Variants in F5 observed in about 807,000 individuals in gnomAD.
The protein encoded by F5 is activated protein c cofactor.
Under a neutral mutation model 216.4 loss-of-function variants are expected in F5, and 138 were observed. The observed-to-expected ratio is 0.64, with a 90% CI of 0.56 to 0.73. F5 has a LOEUF of 0.73. F5 is among the 30% of genes least tolerant of loss of function. F5 has a pLI of 0.00. For synonymous variants in F5, 916 were observed against 930.7 expected (o/e 0.98, Z 0.29); for missense variants, 2,403 against 2,674.0 (o/e 0.90, Z 2.24).
intron 5 of F5, 36 bp from the exon 6 acceptor site, chr1:169,556,903 A>C: frequency 1.3e-6 from 2 of 1,580,576 alleles, no homozygotes; most frequent in Admixed American, 3.4e-5. Flanking sequence ...CAAAATAAGC[A>C]TTCAGTCAAG....
At chr1:169,566,863 T>C (rs942700484) in intron 3 of F5, among the ~76,000 whole-genome samples, 1 of 152,080 alleles carries the variant, frequency 6.6e-6, no homozygotes, top group African/African-American at 2.4e-5. Context: ...TTCCCAGTCA[T>C]GTTGCAATTA....
At chr1:169,521,900 T>A (rs1398275768) in intron 21 of F5, among the ~76,000 whole-genome samples, 1 of 151,362 alleles carries the variant, frequency 6.6e-6, no homozygotes, top group Non-Finnish European at 1.5e-5. Flanking sequence ...ATTACAGACG[T>A]GAGCCACTGC....
intron 6 of F5, among the ~76,000 whole-genome samples, chr1:169,556,393 G>GA (rs1484038574): frequency 1.9e-5 from 2 of 106,518 alleles, no homozygotes; most frequent in African/African-American, 8.4e-5. Context: ...TTCTTTCGAG[G>GA]AAGTTAGAGA....
At chr1:169,521,979 G>C (rs773026395) in intron 21 of F5, among the ~76,000 whole-genome samples, 4 of 151,728 alleles carry the variant, frequency 2.6e-5, no homozygotes, top group African/African-American at 4.9e-5. Context: ...AGAAAGGAGG[G>C]GCAGATGACA....
Position 169,523,792 on chromosome 1 carries a change from A to G in F5, c.5892+9T>C, listed in dbSNP as rs1261159180. The G allele has an allele frequency of 1.9e-6, 3 of 1,599,186 alleles. No homozygotes were observed. The highest frequency in any genetic ancestry group is 2.6e-6 in the Non-Finnish European group (3 of 1,166,848). ...TAGCAGTAAATATTATCAGTCTATTAAGACAAACCTGGATCCAAGGTTTAG... is the reference window on the plus strand; with the variant it reads ...TAGCAGTAAATATTATCAGTCTATTGAGACAAACCTGGATCCAAGGTTTAG... On this transcript the variant is annotated intron_variant, in intron 20 of 24. Transcript: ENST00000367797.
intron 3 of F5, among the ~76,000 whole-genome samples, chr1:169,569,725 T>C (rs186015872): frequency 6.6e-6 from 1 of 152,176 alleles, no homozygotes; most frequent in African/African-American, 2.4e-5. Context: ...TTGTCCATTC[T>C]GTCAAAAAGG....
intron 23 of F5, among the ~76,000 whole-genome samples, chr1:169,516,590 C>G (rs1195704341): frequency 6.6e-6 from 1 of 152,132 alleles, no homozygotes; most frequent in Non-Finnish European, 1.5e-5. Flanking sequence ...TCTATAACAT[C>G]CTCTAGTGAC....
intron 10 of F5, among the ~76,000 whole-genome samples, chr1:169,547,227 A>G (rs1034066414): frequency 1.3e-5 from 2 of 152,106 alleles, no homozygotes; most frequent in Non-Finnish European, 2.9e-5. Context: ...AAAACCCCAA[A>G]CTACAAAAAC....
rs369277086 is a variant in F5, at chr1:169,514,310, A to G, written c.*3T>C. 31 of 1,612,984 alleles carry G rather than the reference A, an allele frequency of 1.9e-5. No individual in the cohort carries two copies. The African/African-American group carries it at 2.4e-4, about 13-fold the overall frequency. On this transcript the variant is annotated 3_prime_UTR_variant, in exon 25 of 25. Transcript: ENST00000367797. ...TCTTCCAGGGGTTTTTGAATGTTCA[A>G]TTCTAGTAAATATCACAGCCAAAGA...
In F5 at chr1:169,541,826, A is replaced by G; in HGVS notation, c.3264T>C (p.Ser1088=). Residue 1088 remains serine, a synonymous_variant, in exon 13 of 25, where the codon TCT becomes TCC. Coordinates refer to ENST00000367797, the MANE Select transcript of F5 (RefSeq NM_000130.5). ...LPTDLNQTLP[S]MDFGWIASLP... ...GTGAGGCTATCCAGCCAAAATCCAT[A>G]GAGGGCAATGTCTGATTGAGGTCTG... is the stretch of plus-strand genomic sequence containing the variant. 6.2e-7 allele frequency: 1 copy of G among 1,614,140 alleles called. No individual in the cohort carries two copies. Among genetic ancestry groups the G allele is most frequent in the Non-Finnish European group, 8.5e-7 (1 of 1,179,994 alleles).
Position 169,572,292 on chromosome 1 carries a change from T to A in F5, c.302A>T (p.His101Leu). 2 of 1,613,406 alleles carry A rather than the reference T, an allele frequency of 1.2e-6. No homozygotes were observed. The highest frequency in any genetic ancestry group is 8.5e-7 in the Non-Finnish European group (1 of 1,179,664). ...GGGCTTATCTGCCTTATTTTTAAAG[T>A]GAACTTTTATGATGTCTCCGACTTC... ...YAEVGDIIKV[H>L]FKNKADKPLS... The change falls in exon 3 of 25, where the codon CAC (histidine) becomes CTC (leucine). Residue 101 changes from histidine (H) to leucine (L), a missense_variant. By Grantham distance (99) the His-to-Leu change is moderately conservative. Transcript: ENST00000367797.
At position 169,515,540 on chromosome 1, in the gene F5, CAG is replaced by C; in HGVS notation, c.6430_6431del (p.Leu2144ValfsTer3). 6.2e-7 allele frequency: 1 copy of C among 1,613,604 alleles called. No homozygotes were observed. The highest frequency in any genetic ancestry group is 8.5e-7 in the Non-Finnish European group (1 of 1,179,690). ...AGCTCTTTACATACATTTCAGAGGA[CAG>C]AGACTTGCAGCCCTGTGTTATAATT... is the stretch of plus-strand genomic sequence containing the variant. ...TAIITQGCKSLSSEMYVKSYT... is the reference protein window; with the variant it reads ...TAIITQGCKSXSSEMYVKSYT... On this transcript the variant is annotated frameshift_variant, in exon 24 of 25. Transcript: ENST00000367797. LOFTEE classifies it high-confidence loss of function.
Position 169,552,693 on chromosome 1 carries a change from A to G in F5, c.1160T>C (p.Ile387Thr), listed in dbSNP as rs118203911. 2.5e-6 allele frequency: 4 copies of G among 1,612,538 alleles called. No individual in the cohort carries two copies. Among genetic ancestry groups the G allele is most frequent in the Non-Finnish European group, 3.4e-6 (4 of 1,179,534 alleles). ...CATAACTTTCTTATAATGTTTTCCA[A>G]TTTGGTTTGAGAAATTATCCAAATG... The part of the protein sequence containing the change: ...SQHLDNFSNQ[I>T]GKHYKKVMYT... The change falls in exon 8 of 25, where the codon ATT (isoleucine) becomes ACT (threonine). Residue 387 changes from isoleucine (I) to threonine (T), a missense_variant. Around this residue, in one of 4 missense-constraint regions of F5, gnomAD observed 1,425 missense variants for 1,554.8 expected, o/e 0.92. Coordinates refer to ENST00000367797, the MANE Select transcript of F5 (RefSeq NM_000130.5).
Position 169,514,912 on chromosome 1 carries a change from T to C in F5, c.6529-453A>G, listed in dbSNP as rs921094128. Among the ~76,000 whole-genome samples, 5 of 152,168 alleles carry C rather than the reference T, an allele frequency of 3.3e-5. No homozygotes were observed. The South Asian group carries it at 1.0e-3, about 31-fold the overall frequency. On this transcript the variant is annotated intron_variant, in intron 24 of 24. Transcript: ENST00000367797. ...TAGCTGTATGACTGAACAAGTTACT[T>C]ATTCTCTGATTCTTCATTTCCTCAT...
chr1:169,519,102 T>A (rs748606625), intron 22 of F5, among the ~76,000 whole-genome samples: 8 of 152,192 alleles, frequency 5.3e-5, no homozygotes, highest in Non-Finnish European at 1.0e-4. Flanking sequence ...TTGAATATCA[T>A]AGGCAGCAAG....
intron 4 of F5, 145 bp downstream of exon 4, chr1:169,560,409 G>C (rs914196223): frequency 1.4e-6 from 1 of 737,584 alleles, no homozygotes; most frequent in South Asian, 1.7e-5. Flanking sequence ...TTTTTCTCTT[G>C]TCAAACAATG....
chr1:169,586,227 A>G lies in F5; in HGVS notation c.158+2T>C, dbSNP rs942284441. The G allele has an allele frequency of 6.2e-7, 1 of 1,613,926 alleles. No individual in the cohort carries two copies. The highest frequency in any genetic ancestry group is 1.3e-5 in the African/African-American group (1 of 74,870). On this transcript the variant is annotated splice_donor_variant, in intron 1 of 24. Coordinates refer to ENST00000367797, the MANE Select transcript of F5 (RefSeq NM_000130.5). LOFTEE classifies it high-confidence loss of function. ...CCCACCCGGACTCCACACCTGAGTT[A>G]CCTTGAGTTTGTGGGCTCAGGTCGG...
intron 19 of F5, 84 bp downstream of exon 19, chr1:169,524,753 T>C: frequency 8.9e-7 from 1 of 1,127,014 alleles, no homozygotes; most frequent in Non-Finnish European, 1.4e-6. Flanking sequence ...GATTCATAGA[T>C]AGGATTGTCA....
rs1660115553 is a variant in F5 at position 169,549,735 on chromosome 1, AC to A, written c.1611+65del. The A allele has an allele frequency of 2.2e-5, 26 of 1,187,712 alleles. No individual in the cohort carries two copies. The South Asian group carries it at 3.1e-4, about 14-fold the overall frequency. 73.6% of individuals were successfully genotyped at this position (1,187,712 alleles called of 1,614,324 possible). On this transcript the variant is annotated intron_variant, in intron 10 of 24. Transcript: ENST00000367797. ...AAATGCCCCATTATTTAGCCAGGAG[AC>A]CTAACATGTTCTAGCCAGAAGAAAT...
Sources: gnomAD v4.1 joint callset for allele counts (sites outside exome capture counted in the v4.1 genomes callset) on GRCh38, gnomAD v4.1.1 for gene constraint, gnomAD v4.1.1 regional missense constraint, MANE v1.5 for transcripts, NCBI Gene and HGNC (gene_info 2026-07-23, HGNC 2026-07-21) for gene names.